Variants in EFCAB6 observed in about 807,000 individuals in gnomAD.
EFCAB6 encodes the protein EF-hand calcium binding domain 6, also known as EF-hand calcium-binding domain-containing protein 6.
In EFCAB6, 156 loss-of-function variants were observed where a neutral mutation model predicts 169.8. The observed-to-expected ratio is 0.92, with a 90% CI of 0.81 to 1.05. The LOEUF (loss-of-function observed/expected upper bound fraction) is 1.05, where lower values mean the gene tolerates loss of function less well. EFCAB6 is among the 50% of genes least tolerant of loss of function. The probability of loss-of-function intolerance (pLI) is 0.00; values close to 1 mark genes in which losing one functional copy is unlikely to be tolerated. For missense variants in EFCAB6, 1,800 were observed against 1,829.1 expected (o/e 0.98, Z 0.29); for synonymous variants, 698 against 676.4 (o/e 1.03, Z -0.50).
intron 4 of EFCAB6, among the ~76,000 whole-genome samples, chr22:43,772,367 C>T (rs2061499120): frequency 1.3e-5 from 2 of 152,282 alleles, no homozygotes; most frequent in Admixed American, 1.3e-4. Context: ...AGGCCGGGTG[C>T]AGTGGCTCAT....
chr22:43,591,281 C>A (rs2051525431), intron 23 of EFCAB6, among the ~76,000 whole-genome samples: 1 of 150,992 alleles, frequency 6.6e-6, no homozygotes, highest in Non-Finnish European at 1.5e-5. Context: ...CATGGTGAAA[C>A]CCCGTCTCTC....
chr22:43,672,001 G>T lies in EFCAB6; in HGVS notation c.1612C>A (p.Pro538Thr), dbSNP rs749149492. The T allele has an allele frequency of 1.2e-6, 2 of 1,613,394 alleles. No individual in the cohort carries two copies. Among genetic ancestry groups the T allele is most frequent in the South Asian group, 1.1e-5 (1 of 90,720 alleles). ...NFKKIMHVFC[P>T]FLTNAHFIKL... is the part of the protein sequence containing the mutation. Reference sequence around the variant, plus strand: ...ATGAAATGTGCATTCGTTAAAAATGGACAGAAGACGTGCATGATTTTCTTG... The same window carrying T: ...ATGAAATGTGCATTCGTTAAAAATGTACAGAAGACGTGCATGATTTTCTTG... Residue 538 changes from proline (P) to threonine (T), a missense_variant, in exon 15 of 32, where the codon CCA becomes ACA. Pro to Thr is a conservative substitution (Grantham distance 38). Coordinates refer to ENST00000262726, the MANE Select transcript of EFCAB6 (RefSeq NM_022785.4).
chr22:43,547,289 C>T lies in EFCAB6; in HGVS notation c.3649-6932G>A, dbSNP rs757858322. On this transcript the variant is annotated intron_variant, in intron 27 of 31. Transcript: ENST00000262726. ...AGGCAGGTGAACAAAACCTTAAAAG[C>T]CAATTGGCAAAAGAGAACAATGAAA... Among the ~76,000 whole-genome samples, 28 of 152,136 alleles carry T rather than the reference C, an allele frequency of 1.8e-4. 1 individual carries two copies. The highest frequency in any genetic ancestry group is 3.4e-3 in the Middle Eastern group (1 of 294).
intron 10 of EFCAB6, among the ~76,000 whole-genome samples, chr22:43,708,981 T>C (rs1473492808): frequency 6.6e-6 from 1 of 152,150 alleles, no homozygotes; most frequent in Non-Finnish European, 1.5e-5. Context: ...ACCTCAGCCC[T>C]GGCCACCCTC....
At chr22:43,771,423 C>A (rs1002288695) in intron 4 of EFCAB6, among the ~76,000 whole-genome samples, 3 of 151,512 alleles carry the variant, frequency 2.0e-5, no homozygotes, top group African/African-American at 7.3e-5. Flanking sequence ...GAGTGAGACT[C>A]CATCAAAAAA....
intron 23 of EFCAB6, among the ~76,000 whole-genome samples, chr22:43,595,518 T>C (rs2051931908): frequency 2.0e-5 from 3 of 151,870 alleles, no homozygotes. Context: ...AACCTAGAAG[T>C]GGGTAAATTC....
rs369041379 is a variant in EFCAB6, at chr22:43,795,909, CCA to C, written c.-8+13084_-8+13085del. Among the ~76,000 whole-genome samples the C allele has an allele frequency of 2.7e-4, 40 of 149,316 alleles. No individual in the cohort carries two copies. The highest frequency in any genetic ancestry group is 8.0e-4 in the Admixed American group (12 of 14,930). ...ACAATACACACTCACCACACATACA[CCA>C]CACACACACACACCCCTTCATCACA... On this transcript the variant is annotated intron_variant, in intron 2 of 31. Transcript: ENST00000262726. This position sits in a 1 kb window ranked among gnomAD's most constrained non-coding sequence, Gnocchi z 4.2.
At chr22:43,547,158 G>C (rs1277160517) in intron 27 of EFCAB6, among the ~76,000 whole-genome samples, 1 of 152,126 alleles carries the variant, frequency 6.6e-6, no homozygotes, top group Non-Finnish European at 1.5e-5. Context: ...ATAATGAAAT[G>C]AAATCTAGGG....
chr22:43,537,260 T>C lies in EFCAB6; in HGVS notation c.4048+117A>G. 1 of 1,323,306 alleles carries C rather than the reference T, an allele frequency of 7.6e-7. No homozygotes were observed. The highest frequency in any genetic ancestry group is 1.0e-6 in the Non-Finnish European group (1 of 960,430). The allele number at this position is 1,323,306 out of a possible 1,614,324, so 82.0% of individuals were successfully genotyped here. ...CAGCCCACCCAGAAGTTCCCACCAG[T>C]TTCCTGTTCTGCTGCTCCCTGGCCT... On this transcript the variant is annotated intron_variant, in intron 29 of 31. Transcript: ENST00000262726. This position sits in a 1 kb window ranked among gnomAD's most constrained non-coding sequence, Gnocchi z 4.3.
chr22:43,648,652 A>G (rs754299295), intron 17 of EFCAB6, among the ~76,000 whole-genome samples: 1 of 152,206 alleles, frequency 6.6e-6, no homozygotes, highest in African/African-American at 2.4e-5. Flanking sequence ...CCCAAACCTC[A>G]GCATTCTGCA....
At chr22:43,810,644 C>A (rs2063079529) in intron 1 of EFCAB6, among the ~76,000 whole-genome samples, 1 of 152,130 alleles carries the variant, frequency 6.6e-6, no homozygotes, top group African/African-American at 2.4e-5. Flanking sequence ...GATCTCTGTA[C>A]AAGGGGAAGA....
intron 4 of EFCAB6, among the ~76,000 whole-genome samples, chr22:43,768,779 AT>A (rs2061389725): frequency 6.6e-6 from 1 of 152,206 alleles, no homozygotes; most frequent in Non-Finnish European, 1.5e-5. Flanking sequence ...CTCTTCCTGC[AT>A]AACTGATTAG....
intron 20 of EFCAB6, among the ~76,000 whole-genome samples, chr22:43,618,930 T>C (rs1369034289): frequency 6.6e-6 from 1 of 151,054 alleles, no homozygotes; most frequent in Non-Finnish European, 1.5e-5. Flanking sequence ...TTTTCTTCTC[T>C]CACTAGGGCC....
chr22:43,800,365 A>G (rs2062664174), intron 2 of EFCAB6, among the ~76,000 whole-genome samples: 1 of 152,244 alleles, frequency 6.6e-6, no homozygotes, highest in South Asian at 2.1e-4. Flanking sequence ...AAAGAAAACA[A>G]GCAAGAAGTC....
intron 11 of EFCAB6, among the ~76,000 whole-genome samples, chr22:43,685,460 G>A (rs1234464365): frequency 3.9e-5 from 6 of 152,100 alleles, no homozygotes; most frequent in African/African-American, 4.8e-5. Context: ...CTTGGACATC[G>A]GAAATTTGAC....
At chr22:43,735,780 T>C (rs973659377) in intron 7 of EFCAB6, 77 bp downstream of exon 7, 3 of 1,542,814 alleles carry the variant, frequency 1.9e-6, no homozygotes, top group African/African-American at 2.8e-5. Flanking sequence ...ATGGAGCCAA[T>C]GAACCCAACA....
intron 8 of EFCAB6, among the ~76,000 whole-genome samples, chr22:43,722,342 T>C (rs1342157660): frequency 4.1e-5 from 6 of 145,632 alleles, no homozygotes; most frequent in Non-Finnish European, 9.0e-5. Flanking sequence ...CTGGCTAACA[T>C]GGTGAAACCC....
In EFCAB6 at chr22:43,615,904, C is replaced by T. The variant is rs149447547; in HGVS notation, c.2484G>A (p.Ala828=). ...QRLIRPKQKV[A]DSELACEQAH... ...CCTGCTCACAAGCTAGTTCTGAATC[C>T]GCAACCTTCTGTTTTGGTCTTAAAA... The change falls in exon 21 of 32, where the codon GCG becomes GCA. Residue 828 remains alanine, a synonymous_variant. Transcript: ENST00000262726. The T allele has an allele frequency of 4.2e-5, 68 of 1,613,004 alleles. No homozygotes were observed. In the South Asian group the frequency reaches 4.3e-4, roughly 10 times the overall value.
Position 43,545,020 on chromosome 22 carries a change from G to A in EFCAB6, c.3649-4663C>T, listed in dbSNP as rs111598865. On this transcript the variant is annotated intron_variant, in intron 27 of 31. Coordinates refer to ENST00000262726, the MANE Select transcript of EFCAB6 (RefSeq NM_022785.4). ...AAATTAGCCGGGCGTGGTGGCGGGC[G>A]CCTGTAGTCCCAGATACTCAGGAGG... 2.6e-3 allele frequency among the ~76,000 whole-genome samples: 394 copies of A among 152,178 alleles called. 2 individuals carry two copies. The highest frequency in any genetic ancestry group is 4.0e-3 in the Non-Finnish European group (272 of 68,004).
Sources: allele counts gnomAD v4.1 joint callset (sites outside exome capture counted in the v4.1 genomes callset), GRCh38; gene constraint gnomAD v4.1.1; non-coding constraint Gnocchi (gnomAD v3.1); transcripts MANE v1.5; gene names NCBI Gene and HGNC (gene_info 2026-07-23, HGNC 2026-07-21).